The following ZBTB7C variants were observed in gnomAD, a reference collection of about 807,000 sequenced individuals.
The protein encoded by ZBTB7C is zinc finger and BTB domain-containing protein 7C.
Under a neutral mutation model 25.7 loss-of-function variants are expected in ZBTB7C, and 8 were observed. The ratio of observed to expected loss-of-function variants is 0.31; its 90% CI spans 0.18 to 0.56. The LOEUF is 0.56. Ranked by LOEUF, ZBTB7C falls within the 20% of genes least tolerant of loss-of-function variation. ZBTB7C has a pLI of 0.91. For synonymous variants in ZBTB7C, 394 were observed against 369.0 expected, an observed-to-expected ratio of 1.07 and a Z score of -0.78; for missense variants, 824 against 855.2, an observed-to-expected ratio of 0.96 and a Z score of 0.46.
chr18:48,245,668 T>C (rs938605973), intron 2 of ZBTB7C, among the ~76,000 whole-genome samples: 5 of 152,078 alleles, frequency 3.3e-5, no homozygotes, highest in Admixed American at 3.3e-4. Context: ...AAAGGAACAA[T>C]TTTAGATTCA....
At chr18:48,055,778 CCCACTGCAGCTA>C (rs1217139179) in intron 3 of ZBTB7C, among the ~76,000 whole-genome samples, 1 of 152,112 alleles carries the variant, frequency 6.6e-6, no homozygotes, top group Non-Finnish European at 1.5e-5. Context: ...CCAACTCGAC[CCCACTGCAGCTA>C]CCACCGCTCG....
intron 2 of ZBTB7C, among the ~76,000 whole-genome samples, chr18:48,256,547 A>G (rs1201657847): frequency 2.0e-5 from 3 of 151,854 alleles, no homozygotes; most frequent in Non-Finnish European, 4.4e-5. Flanking sequence ...GCACAATGAA[A>G]ATGAAGCCAG....
At chr18:48,326,808 G>A (rs188153916) in intron 2 of ZBTB7C, among the ~76,000 whole-genome samples, 96 of 152,306 alleles carry the variant, frequency 6.3e-4, no homozygotes, top group South Asian at 3.7e-3. Flanking sequence ...GGCAGGGATG[G>A]AGTAGAAAAA....
At chr18:48,353,020 G>A (rs887082047) in intron 1 of ZBTB7C, among the ~76,000 whole-genome samples, 4 of 152,188 alleles carry the variant, frequency 2.6e-5, no homozygotes, top group Non-Finnish European at 4.4e-5. Flanking sequence ...GAAAGGAGAT[G>A]AGAAAATTCT....
At chr18:48,336,724 T>C (rs886079747) in intron 2 of ZBTB7C, among the ~76,000 whole-genome samples, 8 of 152,072 alleles carry the variant, frequency 5.3e-5, no homozygotes, top group Non-Finnish European at 1.0e-4. Flanking sequence ...AACTTGAAAG[T>C]CCTCACCCAC....
chr18:48,247,014 G>C (rs773611582), intron 2 of ZBTB7C, among the ~76,000 whole-genome samples: 1 of 152,228 alleles, frequency 6.6e-6, no homozygotes, highest in Admixed American at 6.5e-5. Flanking sequence ...TTGCAAGCAA[G>C]TGTTGCCTCA....
At chr18:48,409,421 T>TCCCTCCCCGCGCCGCGCCTCCG (rs1189210725), upstream of ZBTB7C, 20 of 143,022 alleles carry the variant, frequency 1.4e-4, no homozygotes, top group East Asian at 1.9e-3. Context: ...GGGCAGCTCC[T>TCCCTCCCCGCGCCGCGCCTCCG]CCCTCCCCGC....
chr18:48,198,653 T>C (rs2145191958), intron 2 of ZBTB7C, among the ~76,000 whole-genome samples: 1 of 152,296 alleles, frequency 6.6e-6, no homozygotes, highest in Admixed American at 6.5e-5. Context: ...CATTTCCCTC[T>C]TTCATGTATA....
At chr18:48,375,846 A>T (rs1323577926) in intron 1 of ZBTB7C, among the ~76,000 whole-genome samples, 2 of 152,220 alleles carry the variant, frequency 1.3e-5, no homozygotes, top group African/African-American at 4.8e-5. Flanking sequence ...GTCACTTGAA[A>T]ATGACACACT....
chr18:48,057,628 C>A (rs2036969164), intron 3 of ZBTB7C, among the ~76,000 whole-genome samples: 1 of 152,244 alleles, frequency 6.6e-6, no homozygotes, highest in Admixed American at 6.5e-5. Context: ...AGTATTTGAA[C>A]CTTAAAGCCA....
At chr18:48,189,659 A>G (rs1488783335) in intron 2 of ZBTB7C, among the ~76,000 whole-genome samples, 1 of 152,168 alleles carries the variant, frequency 6.6e-6, no homozygotes, top group Non-Finnish European at 1.5e-5. Flanking sequence ...TTGGATAGAT[A>G]CGGCATAAGT....
chr18:48,268,554 G>C (rs140302451), intron 2 of ZBTB7C, among the ~76,000 whole-genome samples: 4 of 152,110 alleles, frequency 2.6e-5, no homozygotes, highest in Admixed American at 1.3e-4. Context: ...GGTGAGGGAT[G>C]ATGAACTTGA....
chr18:48,367,172 G>GTT (rs1491291729), intron 1 of ZBTB7C, among the ~76,000 whole-genome samples: 1 of 28,296 alleles, frequency 3.5e-5, no homozygotes, highest in African/African-American at 1.5e-4. Context: ...TTCTCCCCAA[G>GTT]TTTTATATAT....
At chr18:48,297,753 A>G (rs564278871) in intron 2 of ZBTB7C, among the ~76,000 whole-genome samples, 1 of 152,330 alleles carries the variant, frequency 6.6e-6, no homozygotes, top group South Asian at 2.1e-4. Flanking sequence ...TCCCTGCAGG[A>G]AGGCAGAAAC....
intron 2 of ZBTB7C, among the ~76,000 whole-genome samples, chr18:48,295,536 C>G (rs150229603): frequency 1.6e-3 from 247 of 152,226 alleles, no homozygotes; most frequent in African/African-American, 5.2e-3. Flanking sequence ...AGGACCCAAG[C>G]CCAAGAGGAC....
At chr18:48,116,743 A>G (rs2039454624) in intron 3 of ZBTB7C, among the ~76,000 whole-genome samples, 1 of 152,058 alleles carries the variant, frequency 6.6e-6, no homozygotes, top group Non-Finnish European at 1.5e-5. Context: ...TTGCTGTTGA[A>G]ATCCTCCAAG....
chr18:48,100,705 T>TTTAGTTAGACA (rs2144608939), intron 3 of ZBTB7C, among the ~76,000 whole-genome samples: 1 of 152,318 alleles, frequency 6.6e-6, no homozygotes, highest in South Asian at 2.1e-4. Flanking sequence ...CATTACATTA[T>TTTAGTTAGACA]TTTAATAAGG....
At chr18:48,202,362 T>C (rs545328884) in intron 2 of ZBTB7C, among the ~76,000 whole-genome samples, 36 of 150,838 alleles carry the variant, frequency 2.4e-4, no homozygotes, top group Non-Finnish European at 4.7e-4. Flanking sequence ...GAGATGGAAC[T>C]CAGAATGGGC....
chr18:48,266,581 G>A (rs2044321325), intron 2 of ZBTB7C, among the ~76,000 whole-genome samples: 1 of 152,186 alleles, frequency 6.6e-6, no homozygotes, highest in Non-Finnish European at 1.5e-5. Flanking sequence ...CATTGTAAAA[G>A]AAATCTCATT....
Sources: allele counts gnomAD v4.1 joint callset (sites outside exome capture counted in the v4.1 genomes callset), GRCh38; gene constraint gnomAD v4.1.1; transcripts MANE v1.5; gene names NCBI Gene and HGNC (gene_info 2026-07-23, HGNC 2026-07-21).